The following CRACD variants were observed in gnomAD, a reference collection of about 807,000 sequenced individuals.
CRACD encodes the protein capping protein inhibiting regulator of actin dynamics, also known as capping protein-inhibiting regulator of actin dynamics.
In CRACD, 56 loss-of-function variants were observed where a neutral mutation model predicts 106.8. That is an observed-to-expected ratio of 0.52 (90% CI 0.42 to 0.66). CRACD has a LOEUF of 0.66. CRACD is among the 30% of genes least tolerant of loss of function. The pLI is 0.00. For synonymous variants in CRACD, 754 were observed against 670.8 expected (o/e 1.12, Z -1.92); for missense variants, 1,730 against 1,623.2 (o/e 1.07, Z -1.13).
chr4:56,294,913 C>CAAAAAAAAAAAAAAAAAAAAAAAA (rs56200534), intron 3 of CRACD, among the ~76,000 whole-genome samples: 3 of 72,164 alleles, frequency 4.2e-5, no homozygotes, highest in African/African-American at 6.0e-5. Context: ...GACCTTGTCT[C>CAAAAAAAAAAAAAAAAAAAAAAAA]AAAAAAAAAA....
chr4:56,213,368 C>T (rs187973455), intron 2 of CRACD, among the ~76,000 whole-genome samples: 18 of 152,264 alleles, frequency 1.2e-4, no homozygotes, highest in Admixed American at 3.3e-4. Context: ...ATCGCTTGAA[C>T]CCGGGAGGCA....
At chr4:56,306,511 T>TCAAACAAACAAA (rs61517832) in intron 4 of CRACD, among the ~76,000 whole-genome samples, 82 of 151,488 alleles carry the variant, frequency 5.4e-4, no homozygotes, top group African/African-American at 2.0e-3. Flanking sequence ...AGACCGTGTC[T>TCAAACAAACAAA]CAAACAAACA....
rs572846858 is a variant in CRACD at position 56,241,502 on chromosome 4, G to T, written c.-188-30819G>T. 3.6e-4 allele frequency among the ~76,000 whole-genome samples: 55 copies of T among 151,996 alleles called. 2 individuals are homozygous for T. Among genetic ancestry groups the T allele is most frequent in the South Asian group, 1.5e-3 (7 of 4,804 alleles). ...CGTCAAGGGACTTCTGTTTCTCTTTGGAAACCGGCATTTCTCTTATTCATT... is the reference window on the plus strand; with the variant it reads ...CGTCAAGGGACTTCTGTTTCTCTTTTGAAACCGGCATTTCTCTTATTCATT... On this transcript the variant is annotated intron_variant, in intron 2 of 10. Coordinates refer to ENST00000682029, the MANE Select transcript of CRACD (RefSeq NM_001393381.1).
intron 2 of CRACD, among the ~76,000 whole-genome samples, chr4:56,217,211 A>G (rs1738751875): frequency 6.6e-6 from 1 of 152,120 alleles, no homozygotes; most frequent in Non-Finnish European, 1.5e-5. Context: ...CAACAGACAT[A>G]CTGATTATGT....
intron 1 of CRACD, among the ~76,000 whole-genome samples, chr4:56,134,738 C>T (rs997910557): frequency 3.3e-5 from 5 of 152,126 alleles, no homozygotes; most frequent in Admixed American, 1.3e-4. Flanking sequence ...TAGAAGAAAT[C>T]TCACTATAGT....
chr4:56,079,080 C>T (rs370999776), intron 1 of CRACD, among the ~76,000 whole-genome samples: 10 of 152,304 alleles, frequency 6.6e-5, no homozygotes, highest in African/African-American at 2.4e-4. Flanking sequence ...TCTGCAGACA[C>T]TTGGCTGGTG....
intron 1 of CRACD, among the ~76,000 whole-genome samples, chr4:56,152,573 T>C (rs995942352): frequency 1.3e-5 from 2 of 151,828 alleles, no homozygotes; most frequent in Non-Finnish European, 2.9e-5. Context: ...TCTCTTTTTT[T>C]AAAAAAAGCA....
chr4:56,104,476 A>G (rs1733879938), intron 1 of CRACD, among the ~76,000 whole-genome samples: 1 of 152,218 alleles, frequency 6.6e-6, no homozygotes, highest in African/African-American at 2.4e-5. Flanking sequence ...CAGGGAGCAA[A>G]TACACATTTT....
chr4:56,074,735 G>T (rs1364298783), intron 1 of CRACD, among the ~76,000 whole-genome samples: 1 of 152,102 alleles, frequency 6.6e-6, no homozygotes, highest in East Asian at 1.9e-4. Flanking sequence ...GAATAGGAGT[G>T]GTGAGAGAGG....
At chr4:56,166,714 A>G (rs1383575132) in intron 1 of CRACD, among the ~76,000 whole-genome samples, 1 of 150,812 alleles carries the variant, frequency 6.6e-6, no homozygotes, top group Admixed American at 6.6e-5. Flanking sequence ...AGTATTACAC[A>G]GGCAATTGCA....
intron 4 of CRACD, among the ~76,000 whole-genome samples, chr4:56,303,048 A>C (rs534653961): frequency 6.6e-6 from 1 of 152,262 alleles, no homozygotes; most frequent in East Asian, 1.9e-4. Flanking sequence ...CATGTGTATA[A>C]AGAAGGAGTC....
At chr4:56,131,402 G>T (rs1366293448) in intron 1 of CRACD, among the ~76,000 whole-genome samples, 3 of 152,188 alleles carry the variant, frequency 2.0e-5, no homozygotes, top group Non-Finnish European at 4.4e-5. Flanking sequence ...GAGAGCCAGA[G>T]ATTGCTTTTT....
At chr4:56,309,194 A>C in intron 5 of CRACD, 1 of 354,908 alleles carries the variant, frequency 2.8e-6, no homozygotes, top group Non-Finnish European at 5.6e-6. Flanking sequence ...GGGTAGAGAG[A>C]GGTGCCAAGC....
At chr4:56,083,809 C>T (rs1363091317) in intron 1 of CRACD, among the ~76,000 whole-genome samples, 1 of 151,972 alleles carries the variant, frequency 6.6e-6, no homozygotes, top group Non-Finnish European at 1.5e-5. Context: ...AACCCCATCT[C>T]TACAAAAAAC....
chr4:56,094,494 T>C (rs1371479213), intron 1 of CRACD, among the ~76,000 whole-genome samples: 1 of 149,650 alleles, frequency 6.7e-6, no homozygotes, highest in Non-Finnish European at 1.5e-5. Flanking sequence ...AGTGGTGGGA[T>C]CTCGGCTCAC....
intron 3 of CRACD, among the ~76,000 whole-genome samples, chr4:56,296,873 C>T (rs748064519): frequency 1.5e-4 from 23 of 151,840 alleles, no homozygotes; most frequent in Non-Finnish European, 3.4e-4. Context: ...CTATCTTACT[C>T]GCTTACTTCT....
At chr4:56,108,666 A>C (rs564431989) in intron 1 of CRACD, among the ~76,000 whole-genome samples, 2 of 152,252 alleles carry the variant, frequency 1.3e-5, no homozygotes, top group South Asian at 4.1e-4. Context: ...CAGGGTAAGG[A>C]GGGTGAGTAG....
At chr4:56,168,975 C>T (rs201366057) in intron 1 of CRACD, among the ~76,000 whole-genome samples, 3 of 151,792 alleles carry the variant, frequency 2.0e-5, no homozygotes, top group Admixed American at 2.0e-4. Flanking sequence ...ACAAACTTCA[C>T]AAGCCAATAT....
At chr4:56,112,433 T>C (rs993582577) in intron 1 of CRACD, among the ~76,000 whole-genome samples, 2 of 152,262 alleles carry the variant, frequency 1.3e-5, no homozygotes, top group Middle Eastern at 6.8e-3. Context: ...CCCCAGATCA[T>C]AGAAGGATTC....
Sources: gnomAD v4.1 joint callset for allele counts (sites outside exome capture counted in the v4.1 genomes callset) on GRCh38, gnomAD v4.1.1 for gene constraint, MANE v1.5 for transcripts, NCBI Gene and HGNC (gene_info 2026-07-23, HGNC 2026-07-21) for gene names.